Variants in PTPRT observed in about 807,000 individuals in gnomAD.
PTPRT encodes receptor-type tyrosine-protein phosphatase T.
In PTPRT, 56 loss-of-function variants were observed where a neutral mutation model predicts 176.8. The ratio of observed to expected loss-of-function variants is 0.32; its 90% CI spans 0.26 to 0.40. The LOEUF (loss-of-function observed/expected upper bound fraction) is 0.40, where lower values mean the gene tolerates loss of function less well. Among genes scored for constraint, PTPRT ranks in the 10% least tolerant of loss-of-function variants. The pLI is 1.00. For missense variants in PTPRT, 1,540 were observed against 1,908.2 expected, an observed-to-expected ratio of 0.81 and a Z score of 3.60; for synonymous variants, 783 against 739.0, an observed-to-expected ratio of 1.06 and a Z score of -0.96.
intron 24 of PTPRT, among the ~76,000 whole-genome samples, chr20:42,105,706 C>A (rs548605907): frequency 1.3e-5 from 2 of 152,334 alleles, no homozygotes; most frequent in South Asian, 2.1e-4. Context: ...GATAAAGCAG[C>A]CCTCTTGGCT....
chr20:42,308,909 A>T (rs148830116), intron 12 of PTPRT, among the ~76,000 whole-genome samples: 1 of 152,322 alleles, frequency 6.6e-6, no homozygotes, highest in Non-Finnish European at 1.5e-5. Flanking sequence ...CACTATTATA[A>T]CGTGATTATA....
At chr20:43,070,367 A>G (rs902789466) in intron 1 of PTPRT, among the ~76,000 whole-genome samples, 22 of 152,156 alleles carry the variant, frequency 1.4e-4, no homozygotes, top group Admixed American at 1.4e-3. Context: ...ACACTTTTAC[A>G]CTGTTGGTGG....
chr20:42,522,238 T>G (rs1043703106), intron 7 of PTPRT, among the ~76,000 whole-genome samples: 1 of 150,714 alleles, frequency 6.6e-6, no homozygotes, highest in African/African-American at 2.4e-5. Flanking sequence ...GTGAATTTAT[T>G]CGTGTGTGAC....
chr20:42,594,587 A>C (rs1401421235), intron 7 of PTPRT, among the ~76,000 whole-genome samples: 1 of 152,120 alleles, frequency 6.6e-6, no homozygotes, highest in African/African-American at 2.4e-5. Flanking sequence ...GGGAAATCAG[A>C]TTTTGCCTGA....
chr20:42,816,351 C>A (rs1280156131), intron 2 of PTPRT, among the ~76,000 whole-genome samples: 1 of 152,170 alleles, frequency 6.6e-6, no homozygotes, highest in Non-Finnish European at 1.5e-5. Context: ...ATAATCCTAG[C>A]ACACGGTTTG....
At chr20:43,140,812 C>T (rs1182512592) in intron 1 of PTPRT, among the ~76,000 whole-genome samples, 1 of 152,106 alleles carries the variant, frequency 6.6e-6, no homozygotes, top group Non-Finnish European at 1.5e-5. Context: ...ATGCTGAATC[C>T]AAGCAGTTTA....
At chr20:43,090,269 TA>T (rs1169072565) in intron 1 of PTPRT, among the ~76,000 whole-genome samples, 20 of 149,612 alleles carry the variant, frequency 1.3e-4, no homozygotes, top group Admixed American at 1.1e-3. Context: ...AACAGGTGAC[TA>T]TTTTTTTTTT....
chr20:42,823,817 A>T (rs2077944296), intron 2 of PTPRT, among the ~76,000 whole-genome samples: 1 of 152,052 alleles, frequency 6.6e-6, no homozygotes, highest in Admixed American at 6.6e-5. Flanking sequence ...AATAATAGAA[A>T]AGCAAGAGAT....
intron 1 of PTPRT, among the ~76,000 whole-genome samples, chr20:42,913,090 G>T (rs1324488370): frequency 6.6e-6 from 1 of 151,308 alleles, no homozygotes; most frequent in Non-Finnish European, 1.5e-5. Flanking sequence ...TTACAAAATT[G>T]CTGTAAAAAT....
At chr20:42,540,932 A>G (rs1421142676) in intron 7 of PTPRT, among the ~76,000 whole-genome samples, 1 of 152,110 alleles carries the variant, frequency 6.6e-6, no homozygotes, top group Admixed American at 6.5e-5. Context: ...CAAAACCATT[A>G]ATAGATAATG....
At chr20:42,376,187 C>A (rs2058647312) in intron 9 of PTPRT, among the ~76,000 whole-genome samples, 1 of 152,118 alleles carries the variant, frequency 6.6e-6, no homozygotes, top group South Asian at 2.1e-4. Context: ...AACGCTCCAC[C>A]CTGCAGGGGA....
At chr20:42,040,324 G>A in the PTPRT span, among the ~76,000 whole-genome samples, 8 of 152,284 alleles carry the variant, frequency 5.3e-5, no homozygotes, top group South Asian at 1.7e-3. Context: ...GGAGGAGAAG[G>A]AGGTTAGATT....
intron 23 of PTPRT, among the ~76,000 whole-genome samples, chr20:42,109,674 G>A (rs1181115887): frequency 6.6e-6 from 1 of 152,170 alleles, no homozygotes; most frequent in Non-Finnish European, 1.5e-5. Flanking sequence ...TCCCCACTCT[G>A]TGTTTACCTC....
At chr20:43,108,482 GATA>G (rs565182168) in intron 1 of PTPRT, among the ~76,000 whole-genome samples, 177 of 152,186 alleles carry the variant, frequency 1.2e-3, no homozygotes, top group Non-Finnish European at 2.0e-3. Flanking sequence ...CACCATGAGA[GATA>G]ATAATACATT....
At chr20:42,753,416 T>G (rs957565127) in intron 6 of PTPRT, among the ~76,000 whole-genome samples, 1 of 152,150 alleles carries the variant, frequency 6.6e-6, no homozygotes, top group Non-Finnish European at 1.5e-5. Flanking sequence ...AATATTTAAA[T>G]GGAGGAAAAA....
At chr20:42,376,454 C>T (rs753715526) in intron 9 of PTPRT, among the ~76,000 whole-genome samples, 5 of 152,192 alleles carry the variant, frequency 3.3e-5, no homozygotes, top group Non-Finnish European at 5.9e-5. Flanking sequence ...TCTTCTGTTC[C>T]ATTCCTGTGA....
chr20:42,982,691 C>T (rs1370374486), intron 1 of PTPRT, among the ~76,000 whole-genome samples: 1 of 152,134 alleles, frequency 6.6e-6, no homozygotes, highest in Non-Finnish European at 1.5e-5. Flanking sequence ...GTCCACTCGG[C>T]TTCCCCAGCC....
rs77108093 is a variant in PTPRT, at chr20:42,453,082, C to T, written c.1451-4753G>A. On this transcript the variant is annotated intron_variant, in intron 8 of 30. Coordinates refer to ENST00000373187, the MANE Select transcript of PTPRT (RefSeq NM_007050.6). ...GTATTTCTCTATCGCATTAAAATGA[C>T]ATGTTTTGATACTTGGTAGAACAAG... 9.1e-3 allele frequency among the ~76,000 whole-genome samples: 1,392 copies of T among 152,276 alleles called. 25 individuals are homozygous for T. Among genetic ancestry groups the T allele is most frequent in the African/African-American group, 0.031 (1,271 of 41,566 alleles).
At chr20:42,347,457 G>T (rs2058211471) in intron 11 of PTPRT, among the ~76,000 whole-genome samples, 1 of 152,032 alleles carries the variant, frequency 6.6e-6, no homozygotes. Flanking sequence ...TGTACCTAGT[G>T]GTTTCATATC....
Sources: allele counts gnomAD v4.1 joint callset (sites outside exome capture counted in the v4.1 genomes callset), GRCh38; gene constraint gnomAD v4.1.1; transcripts MANE v1.5; gene names NCBI Gene and HGNC (gene_info 2026-07-23, HGNC 2026-07-21).